The following SLC25A26 variants were observed in gnomAD, a reference collection of about 807,000 sequenced individuals.
SLC25A26 encodes mitochondrial S-adenosylmethionine carrier protein.
SLC25A26 carries 36 observed loss-of-function variants against 37.8 expected under a neutral mutation model. The observed-to-expected ratio is 0.95, with a 90% confidence interval of 0.73 to 1.26. The LOEUF (loss-of-function observed/expected upper bound fraction) is 1.26. SLC25A26 is among the 50% of genes most tolerant of loss of function. The pLI, the probability that SLC25A26 is intolerant of heterozygous loss-of-function variation, is 0.00. For synonymous variants in SLC25A26, 129 were observed against 122.5 expected (o/e 1.05, Z -0.35); for missense variants, 390 against 331.1 (o/e 1.18, Z -1.38).
At chr3:66,376,920 A>G (rs1329134382) in intron 9 of SLC25A26, among the ~76,000 whole-genome samples, 1 of 152,126 alleles carries the variant, frequency 6.6e-6, no homozygotes, top group Non-Finnish European at 1.5e-5. Flanking sequence ...TAATTTTTTT[A>G]TGTTGGCATC....
At chr3:66,141,263 TA>T (rs1440678631) in intron 1 of SLC25A26, among the ~76,000 whole-genome samples, 4 of 151,386 alleles carry the variant, frequency 2.6e-5, no homozygotes, top group African/African-American at 7.3e-5. Context: ...AATTACCAAA[TA>T]TTTTTTTCTA....
At chr3:66,367,763 C>T (rs2076857718) in intron 7 of SLC25A26, among the ~76,000 whole-genome samples, 1 of 151,544 alleles carries the variant, frequency 6.6e-6, no homozygotes, top group African/African-American at 2.4e-5. Flanking sequence ...TGTTATGTAA[C>T]TAAAAGTATA....
At chr3:66,216,292 G>T (rs1325585131), upstream of SLC25A26, among the ~76,000 whole-genome samples, 1 of 152,108 alleles carries the variant, frequency 6.6e-6, no homozygotes, top group Admixed American at 6.6e-5. Context: ...TGGGTGGATC[G>T]CTTGAGCTCA....
intron 1 of SLC25A26, among the ~76,000 whole-genome samples, chr3:66,183,945 C>T (rs571685636): frequency 5.3e-5 from 8 of 152,058 alleles, no homozygotes; most frequent in South Asian, 2.1e-4. Context: ...ACCTACTAGA[C>T]ACTCAGTCTG....
chr3:66,365,763 G>A (rs1419756191), intron 7 of SLC25A26, among the ~76,000 whole-genome samples: 1 of 152,162 alleles, frequency 6.6e-6, no homozygotes, highest in South Asian at 2.1e-4. Context: ...TTTCCTTCTT[G>A]TTGATGGGGA....
intron 5 of SLC25A26, among the ~76,000 whole-genome samples, chr3:66,342,158 A>G (rs958871577): frequency 9.2e-5 from 14 of 152,240 alleles, no homozygotes; most frequent in African/African-American, 2.6e-4. Flanking sequence ...GAAAATTGCA[A>G]TGGGCCAGTC....
At chr3:66,168,601 T>G (rs1043117701) in intron 1 of SLC25A26, among the ~76,000 whole-genome samples, 7 of 152,210 alleles carry the variant, frequency 4.6e-5, no homozygotes, top group Admixed American at 2.6e-4. Flanking sequence ...CATGAGACTT[T>G]GTCTTTCTTC....
intron 3 of SLC25A26, among the ~76,000 whole-genome samples, chr3:66,246,861 C>T (rs1028774289): frequency 3.3e-5 from 5 of 151,958 alleles, no homozygotes; most frequent in African/African-American, 1.2e-4. Context: ...CCTAGAGAAT[C>T]TTTGTTTTTA....
intron 5 of SLC25A26, among the ~76,000 whole-genome samples, chr3:66,279,896 A>G (rs1259837024): frequency 1.3e-5 from 2 of 152,178 alleles, no homozygotes; most frequent in South Asian, 2.1e-4. Context: ...TGACTAAGTT[A>G]AAAATCACTT....
At chr3:66,376,835 C>T (rs7626079) in intron 9 of SLC25A26, among the ~76,000 whole-genome samples, 58,620 of 152,022 alleles carry the variant, frequency 0.39, 11,928 homozygotes, top group East Asian at 0.73. Flanking sequence ...CAGTTTAGGG[C>T]TTAAGACACA....
At chr3:66,240,605 A>G (rs905056927) in intron 2 of SLC25A26, among the ~76,000 whole-genome samples, 2 of 151,838 alleles carry the variant, frequency 1.3e-5, no homozygotes, top group Non-Finnish European at 2.9e-5. Context: ...CATTTCTCTT[A>G]ACTATGAATG....
chr3:66,175,634 T>G (rs1407891253), intron 1 of SLC25A26, among the ~76,000 whole-genome samples: 1 of 152,188 alleles, frequency 6.6e-6, no homozygotes, highest in Non-Finnish European at 1.5e-5. Flanking sequence ...ATGTTGTAAG[T>G]TGTAGTCTGC....
chr3:66,254,660 A>G (rs1370297569), intron 3 of SLC25A26, among the ~76,000 whole-genome samples: 1 of 152,236 alleles, frequency 6.6e-6, no homozygotes, highest in Non-Finnish European at 1.5e-5. Context: ...AATTCTGGAG[A>G]TGATAGTCAG....
At chr3:66,247,406 C>T (rs976332622) in intron 3 of SLC25A26, among the ~76,000 whole-genome samples, 2 of 152,078 alleles carry the variant, frequency 1.3e-5, no homozygotes, top group Non-Finnish European at 2.9e-5. Context: ...CTTCTGGGCT[C>T]ACGTGATCCT....
intron 5 of SLC25A26, among the ~76,000 whole-genome samples, chr3:66,290,015 C>T (rs552399616): frequency 2.6e-5 from 4 of 152,238 alleles, no homozygotes; most frequent in Non-Finnish European, 5.9e-5. Context: ...TTGTAGTTCT[C>T]CTTGAAGAGG....
At chr3:66,135,665 G>C (rs2069935800) in intron 1 of SLC25A26, among the ~76,000 whole-genome samples, 1 of 152,118 alleles carries the variant, frequency 6.6e-6, no homozygotes, top group South Asian at 2.1e-4. Flanking sequence ...TACTTGGGAG[G>C]CTAAAGTGGG....
At chr3:66,323,629 A>G (rs1350757326) in intron 5 of SLC25A26, among the ~76,000 whole-genome samples, 2 of 152,086 alleles carry the variant, frequency 1.3e-5, no homozygotes, top group African/African-American at 4.8e-5. Context: ...CAATGTGGTG[A>G]GATGCTGTCT....
chr3:66,365,648 G>A (rs939607111), intron 7 of SLC25A26, among the ~76,000 whole-genome samples: 1 of 152,160 alleles, frequency 6.6e-6, no homozygotes, highest in Non-Finnish European at 1.5e-5. Context: ...GACATTGATT[G>A]CGATCTCTCC....
intron 7 of SLC25A26, among the ~76,000 whole-genome samples, chr3:66,363,217 A>C (rs1196183677): frequency 6.6e-6 from 1 of 152,182 alleles, no homozygotes; most frequent in Non-Finnish European, 1.5e-5. Flanking sequence ...GATGATTTAT[A>C]AAGTCCTCTG....
Sources: gnomAD v4.1 joint callset for allele counts (sites outside exome capture counted in the v4.1 genomes callset) on GRCh38, gnomAD v4.1.1 for gene constraint, MANE v1.5 for transcripts, NCBI Gene and HGNC (gene_info 2026-07-23, HGNC 2026-07-21) for gene names.